SLX4IP: variants seen among roughly 807,000 people sequenced by gnomAD.
SLX4IP encodes the protein SLX4 interacting protein, also known as protein SLX4IP.
SLX4IP carries 34 observed loss-of-function variants against 32.9 expected under a neutral mutation model. The observed-to-expected ratio is 1.03, with a 90% CI of 0.79 to 1.38. The LOEUF (loss-of-function observed/expected upper bound fraction) is 1.38. Ranked by LOEUF, SLX4IP falls within the 40% of genes most tolerant of loss-of-function variation. SLX4IP has a pLI of 0.00. For synonymous variants in SLX4IP, 172 were observed against 171.7 expected, an observed-to-expected ratio of 1.00 and a Z score of -0.01; for missense variants, 444 against 479.0, an observed-to-expected ratio of 0.93 and a Z score of 0.68.
At chr20:10,516,849 G>A (rs770459428) in intron 2 of SLX4IP, among the ~76,000 whole-genome samples, 1 of 152,148 alleles carries the variant, frequency 6.6e-6, no homozygotes, top group African/African-American at 2.4e-5. Context: ...TTCTAAAGTG[G>A]CCCATAATTT....
Position 10,598,753 on chromosome 20 carries a change from G to A in SLX4IP, c.316+1G>A, listed in dbSNP as rs1471936205. Reference sequence around the variant, plus strand: ...TGCATCAGGAGCACACAGAATGCTGGTAAGAAGCCGATTTCTTGGTTTGTC... The same window carrying A: ...TGCATCAGGAGCACACAGAATGCTGATAAGAAGCCGATTTCTTGGTTTGTC... On this transcript the variant is annotated splice_donor_variant, in intron 5 of 7. Coordinates refer to ENST00000334534, the MANE Select transcript of SLX4IP (RefSeq NM_001009608.3). LOFTEE classifies it high-confidence loss of function. 3 of 1,613,750 alleles carry A rather than the reference G, an allele frequency of 1.9e-6. No homozygotes were observed. The highest frequency in any genetic ancestry group is 1.7e-5 in the Admixed American group (1 of 59,994).
intron 5 of SLX4IP, among the ~76,000 whole-genome samples, chr20:10,600,913 A>C (rs1475016840): frequency 6.6e-6 from 1 of 152,210 alleles, no homozygotes; most frequent in South Asian, 2.1e-4. Flanking sequence ...CCCTGTTGGC[A>C]TCAGCTTAGC....
At chr20:10,500,377 C>T (rs954865637) in intron 2 of SLX4IP, among the ~76,000 whole-genome samples, 3 of 152,016 alleles carry the variant, frequency 2.0e-5, no homozygotes, top group African/African-American at 4.8e-5. Flanking sequence ...GACCCACCCA[C>T]CTTGGCCTCC....
chr20:10,476,032 G>A (rs1201600324), intron 2 of SLX4IP, among the ~76,000 whole-genome samples: 1 of 152,170 alleles, frequency 6.6e-6, no homozygotes, highest in Non-Finnish European at 1.5e-5. Context: ...AGCTTCTCTT[G>A]GTTCCTGGGG....
chr20:10,477,835 A>G (rs543888324), intron 2 of SLX4IP, among the ~76,000 whole-genome samples: 2 of 151,334 alleles, frequency 1.3e-5, no homozygotes, highest in East Asian at 3.9e-4. Context: ...CTCTTTGGGC[A>G]TTTTATTTCA....
In SLX4IP at chr20:10,622,709, G is replaced by A. The variant is rs1300269561; in HGVS notation, c.557G>A (p.Arg186Lys). The A allele has an allele frequency of 6.2e-7, 1 of 1,613,898 alleles. No individual in the cohort carries two copies. The highest frequency in any genetic ancestry group is 1.1e-5 in the South Asian group (1 of 91,078). The change falls in exon 8 of 8, where the codon AGA becomes AAA. Residue 186 changes from arginine to lysine, a missense_variant. Physicochemically the swap from Arg to Lys is conservative, Grantham distance 26. Coordinates refer to ENST00000334534, the MANE Select transcript of SLX4IP (RefSeq NM_001009608.3). ...KSSVTSKSQT[R>K]RDTVETSSDS... is the part of the protein sequence containing the mutation. ...AGTGTCACGAGCAAATCGCAGACCAGAAGAGACACTGTGGAAACATCTAGT... is the reference window on the plus strand; with the variant it reads ...AGTGTCACGAGCAAATCGCAGACCAAAAGAGACACTGTGGAAACATCTAGT...
intron 2 of SLX4IP, among the ~76,000 whole-genome samples, chr20:10,512,871 A>C (rs2065823092): frequency 7.0e-6 from 1 of 143,196 alleles, no homozygotes; most frequent in Admixed American, 7.3e-5. Context: ...GGCTTCAAGC[A>C]CTTCTCCCTC....
At chr20:10,508,946 A>G (rs2065782521) in intron 2 of SLX4IP, among the ~76,000 whole-genome samples, 1 of 152,114 alleles carries the variant, frequency 6.6e-6, no homozygotes, top group Admixed American at 6.5e-5. Context: ...CCAGCCTGAC[A>G]TTTTGATACT....
chr20:10,436,054 A>C (rs1199580958), intron 1 of SLX4IP, among the ~76,000 whole-genome samples: 1 of 151,512 alleles, frequency 6.6e-6, no homozygotes, highest in African/African-American at 2.4e-5. Context: ...TTTTATTTTT[A>C]GTTTTTAATT....
At chr20:10,460,916 A>G (rs1039043125) in intron 2 of SLX4IP, among the ~76,000 whole-genome samples, 9 of 152,180 alleles carry the variant, frequency 5.9e-5, no homozygotes, top group African/African-American at 1.4e-4. Context: ...TAGTTTCACT[A>G]TGAAATCTCT....
At chr20:10,440,669 C>T (rs1281536605) in intron 1 of SLX4IP, among the ~76,000 whole-genome samples, 1 of 152,128 alleles carries the variant, frequency 6.6e-6, no homozygotes, top group Non-Finnish European at 1.5e-5. Flanking sequence ...TACCCCTTCA[C>T]CTTTGGCAAC....
At chr20:10,610,123 A>C (rs2066949338) in intron 6 of SLX4IP, among the ~76,000 whole-genome samples, 1 of 152,128 alleles carries the variant, frequency 6.6e-6, no homozygotes, top group African/African-American at 2.4e-5. Flanking sequence ...GTTGGTCAGG[A>C]TATATTTTTA....
At chr20:10,502,893 G>A (rs965333671) in intron 2 of SLX4IP, among the ~76,000 whole-genome samples, 1 of 152,076 alleles carries the variant, frequency 6.6e-6, no homozygotes, top group African/African-American at 2.4e-5. Flanking sequence ...CATAATAGGT[G>A]CTCAGTAAAT....
At chr20:10,621,108 G>A (rs1475244209) in intron 6 of SLX4IP, among the ~76,000 whole-genome samples, 5 of 152,248 alleles carry the variant, frequency 3.3e-5, no homozygotes, top group African/African-American at 1.2e-4. Flanking sequence ...GCATGTTAAT[G>A]TATGAAATGT....
At chr20:10,560,612 T>G (rs907103903) in intron 3 of SLX4IP, 88 bp from the exon 4 acceptor site, 1 of 1,017,810 alleles carries the variant, frequency 9.8e-7, no homozygotes, top group East Asian at 3.1e-5. Flanking sequence ...CAAAATGAAA[T>G]GAAATGTTCA....
Position 10,624,016 on chromosome 20 carries a change from A to G in SLX4IP, c.*637A>G, listed in dbSNP as rs1264072986. 3 of 152,494 alleles carry G rather than the reference A, an allele frequency of 2.0e-5. No individual in the cohort carries two copies. The highest frequency in any genetic ancestry group is 4.4e-5 in the Non-Finnish European group (3 of 68,302). 9.4% of individuals were successfully genotyped at this position (152,494 alleles called of 1,614,324 possible). ...CAGTGCTTCCTGCAGCCTGGTTGCC[A>G]TGGCCTCCAGCTCACCAGTTGGGGC... On this transcript the variant is annotated 3_prime_UTR_variant, in exon 8 of 8. Coordinates refer to ENST00000334534, the MANE Select transcript of SLX4IP (RefSeq NM_001009608.3).
intron 2 of SLX4IP, among the ~76,000 whole-genome samples, chr20:10,478,698 C>A (rs1362507846): frequency 6.6e-6 from 1 of 152,162 alleles, no homozygotes. Context: ...GATTCTTGTT[C>A]TTTATTGTCC....
intron 4 of SLX4IP, among the ~76,000 whole-genome samples, chr20:10,588,706 A>C (rs967128046): frequency 2.6e-5 from 4 of 152,186 alleles, no homozygotes; most frequent in African/African-American, 9.7e-5. Context: ...AAAAAAGCCT[A>C]ATTCATAAAA....
intron 4 of SLX4IP, among the ~76,000 whole-genome samples, chr20:10,578,446 A>G (rs141768628): frequency 6.6e-6 from 1 of 152,362 alleles, no homozygotes; most frequent in African/African-American, 2.4e-5. Flanking sequence ...ATAATGTTCC[A>G]TGGTATGGAT....
Sources: gnomAD v4.1 joint callset for allele counts (sites outside exome capture counted in the v4.1 genomes callset) on GRCh38, gnomAD v4.1.1 for gene constraint, MANE v1.5 for transcripts, NCBI Gene and HGNC (gene_info 2026-07-23, HGNC 2026-07-21) for gene names.